Variants in NFATC4 observed in about 807,000 individuals in gnomAD.
NFATC4 encodes nuclear factor of activated T cells 4.
A neutral mutation model predicts 73.4 loss-of-function variants in NFATC4; 25 were observed. The ratio of observed to expected loss-of-function variants is 0.34; its 90% CI spans 0.25 to 0.48. The LOEUF (loss-of-function observed/expected upper bound fraction) is 0.48, where lower values mean the gene tolerates loss of function less well. Ranked by LOEUF, NFATC4 falls within the 20% of genes least tolerant of loss-of-function variation. The pLI, the probability that NFATC4 is intolerant of heterozygous loss-of-function variation, is 0.99. For missense variants in NFATC4, 1,130 were observed against 1,203.7 expected, an observed-to-expected ratio of 0.94 and a Z score of 0.91; for synonymous variants, 523 against 510.3, an observed-to-expected ratio of 1.02 and a Z score of -0.34.
At chr14:24,375,937 G>A (rs2042600946) in intron 7 of NFATC4, 38 bp from the exon 8 acceptor site, 1 of 1,613,068 alleles carries the variant, frequency 6.2e-7, no homozygotes, top group South Asian at 1.1e-5. Flanking sequence ...AAGCCCAGAT[G>A]CCCGAGGGCT....
rs1342422040 is a variant in NFATC4 at position 24,369,879 on chromosome 14, C to T, written c.481C>T (p.Gln161Ter). 2 of 1,610,956 alleles carry T rather than the reference C, an allele frequency of 1.2e-6. No homozygotes were observed. The highest frequency in any genetic ancestry group is 1.3e-5 in the African/African-American group (1 of 75,028). ...GFGGYREAGG[Q>*]GGGAFFSPSP... is the part of the protein sequence containing the mutation. Reference sequence around the variant, plus strand: ...TGGGGGCTACAGAGAAGCAGGGGGCCAGGGTGGGGGGGCCTTCTTCAGCCC... The same window carrying T: ...TGGGGGCTACAGAGAAGCAGGGGGCTAGGGTGGGGGGGCCTTCTTCAGCCC... The change falls in exon 2 of 10, where the codon CAG becomes TAG. Residue 161 changes from glutamine (Q) to a stop codon, truncating the protein, a stop_gained. Coordinates refer to ENST00000250373, the MANE Select transcript of NFATC4 (RefSeq NM_004554.5). LOFTEE classifies it high-confidence loss of function.
Position 24,369,638 on chromosome 14 carries a change from C to T in NFATC4, c.240C>T (p.Pro80=). The T allele has an allele frequency of 6.2e-7, 1 of 1,613,218 alleles. No homozygotes were observed. Among genetic ancestry groups the T allele is most frequent in the Non-Finnish European group, 8.5e-7 (1 of 1,179,830 alleles). ...ATTCGCCACCGCCGCGACCAGCCCC[C>T]TCACCTGGCACCTGGGAGAGCCAGC... The part of the protein sequence containing the change: ...GMHSPPPRPA[P]SPGTWESQPA... Residue 80 remains proline, a synonymous_variant, in exon 2 of 10, where the codon CCC becomes CCT. Transcript: ENST00000250373.
Position 24,372,512 on chromosome 14 carries a change from T to A in NFATC4, c.1268T>A (p.Val423Glu). The A allele has an allele frequency of 6.2e-7, 1 of 1,613,896 alleles. No individual in the cohort carries two copies. The highest frequency in any genetic ancestry group is 8.5e-7 in the Non-Finnish European group (1 of 1,180,008). ...GAGCAGCTGGAGCTGAGGATCGAGG[T>A]ACAGCCTAGAGCCCACCACCGGGCC... ...QYEQLELRIE[V>E]QPRAHHRAHY... Residue 423 changes from valine to glutamate, a missense_variant, in exon 3 of 10, where the codon GTA becomes GAA. Physicochemically the swap from Val to Glu is moderately radical, Grantham distance 121. Around this residue, in one of 3 missense-constraint regions of NFATC4, gnomAD observed 585 missense variants for 574.3 expected, o/e 1.02. Coordinates refer to ENST00000250373, the MANE Select transcript of NFATC4 (RefSeq NM_004554.5).
chr14:24,376,753 G>C lies in NFATC4; in HGVS notation c.2516G>C (p.Gly839Ala). ...GATGTGCATCCCCTACCTGCTGAGG[G>C]ATACAATAAGGTAGGGCCAGGCTAT... The part of the protein sequence containing the change: ...QSDVHPLPAE[G>A]YNKVGPGYGP... Residue 839 changes from glycine to alanine, a missense_variant, in exon 9 of 10, where the codon GGA becomes GCA. This residue lies in a region of NFATC4 where 390 missense variants were observed against 408.1 expected (regional missense o/e 0.96). Transcript: ENST00000250373. The surrounding 1 kb of genome is among the most constrained non-coding windows in gnomAD (Gnocchi z 5.0). The C allele has an allele frequency of 5.0e-6, 8 of 1,613,950 alleles. No homozygotes were observed. Among genetic ancestry groups the C allele is most frequent in the East Asian group, 2.2e-5 (1 of 44,866 alleles).
Position 24,377,805 on chromosome 14 carries a change from C to T in NFATC4, c.*100C>T. The T allele has an allele frequency of 6.3e-7, 1 of 1,590,444 alleles. No individual in the cohort carries two copies. Among genetic ancestry groups the T allele is most frequent in the South Asian group, 1.1e-5 (1 of 89,390 alleles). ...GGTGGCTACAGAAGCTTGGGGCCAACCCTGGCTCCTCTTTCCCCAGCTTCT... is the reference window on the plus strand; with the variant it reads ...GGTGGCTACAGAAGCTTGGGGCCAATCCTGGCTCCTCTTTCCCCAGCTTCT... On this transcript the variant is annotated 3_prime_UTR_variant, in exon 10 of 10. Coordinates refer to ENST00000250373, the MANE Select transcript of NFATC4 (RefSeq NM_004554.5). This position sits in a 1 kb window ranked among gnomAD's most constrained non-coding sequence, Gnocchi z 4.2.
chr14:24,374,196 A>T, intron 5 of NFATC4, 130 bp from the exon 6 acceptor site: 1 of 1,177,974 alleles, frequency 8.5e-7, no homozygotes, highest in Non-Finnish European at 1.2e-6. Context: ...TTACTGGTTT[A>T]TTTGTGTGTC....
In NFATC4 at chr14:24,377,024, G is replaced by C. The variant is rs917029697; in HGVS notation, c.2641+146G>C. Reference sequence around the variant, plus strand: ...GGAGGTTCCCAGGAGGCATGTTCTTGATGCCTGTGGCTGCCTGAATCCAAT... The same window carrying C: ...GGAGGTTCCCAGGAGGCATGTTCTTCATGCCTGTGGCTGCCTGAATCCAAT... On this transcript the variant is annotated intron_variant, in intron 9 of 9. Coordinates refer to ENST00000250373, the MANE Select transcript of NFATC4 (RefSeq NM_004554.5). The surrounding 1 kb of genome is among the most constrained non-coding windows in gnomAD (Gnocchi z 4.2). The C allele has an allele frequency of 2.2e-6, 3 of 1,390,784 alleles. No individual in the cohort carries two copies. In the African/African-American group the frequency reaches 4.4e-5, roughly 20 times the overall value. 86.2% of individuals were successfully genotyped at this position (1,390,784 alleles called of 1,614,324 possible).
chr14:24,368,230 AG>A lies in NFATC4; in HGVS notation c.-106del. ...TGGAGGGAGGCGGCAGCGACGGAGG[AG>A]GGGGCTTCTCAGAGAAAGGGAGGGA... is the stretch of plus-strand genomic sequence containing the variant. On this transcript the variant is annotated 5_prime_UTR_variant, in exon 1 of 10. Coordinates refer to ENST00000250373, the MANE Select transcript of NFATC4 (RefSeq NM_004554.5). 7.6e-7 allele frequency: 1 copy of A among 1,307,258 alleles called. No individual in the cohort carries two copies. Among genetic ancestry groups the A allele is most frequent in the Non-Finnish European group, 9.7e-7 (1 of 1,026,052 alleles). The allele number at this position is 1,307,258 out of a possible 1,614,324, so 81.0% of individuals were successfully genotyped here. A position where few individuals can be genotyped will look rare whatever the true frequency, so the allele number is the denominator to read the frequency against.
Position 24,377,604 on chromosome 14 carries a change from C to G in NFATC4, c.2642-34C>G. The stretch of plus-strand genomic sequence containing the variant: ...CTTTGGAAAAGGAGGGGACCCACCT[C>G]TAGCCCAGTCTCTCAACTGCCCCTC... On this transcript the variant is annotated intron_variant, in intron 9 of 9. Transcript: ENST00000250373. This position sits in a 1 kb window ranked among gnomAD's most constrained non-coding sequence, Gnocchi z 4.2. 1 of 1,614,102 alleles carries G rather than the reference C, an allele frequency of 6.2e-7. No homozygotes were observed. The highest frequency in any genetic ancestry group is 8.5e-7 in the Non-Finnish European group (1 of 1,179,998).
chr14:24,367,870 C>T, upstream of NFATC4: 1 of 1,350,640 alleles, frequency 7.4e-7, no homozygotes, highest in Non-Finnish European at 9.6e-7. Flanking sequence ...GGCTCTCGGA[C>T]CCAGAACCTT....
At position 24,368,240 on chromosome 14, in the gene NFATC4, T is replaced by C; in HGVS notation, c.-101T>C. The C allele has an allele frequency of 1.5e-6, 2 of 1,326,384 alleles. No individual in the cohort carries two copies. Among genetic ancestry groups the C allele is most frequent in the Admixed American group, 4.1e-5 (1 of 24,180 alleles). The allele number at this position is 1,326,384 out of a possible 1,614,324, so 82.2% of individuals were successfully genotyped here. A position where few individuals can be genotyped will look rare whatever the true frequency, so the allele number is the denominator to read the frequency against. ...CGGCAGCGACGGAGGAGGGGGCTTC[T>C]CAGAGAAAGGGAGGGAGGGAGCCAC... On this transcript the variant is annotated 5_prime_UTR_variant, in exon 1 of 10. Transcript: ENST00000250373.
At chr14:24,372,780 C>T (rs545386509) in intron 3 of NFATC4, 177 bp downstream of exon 3, 3 of 728,420 alleles carry the variant, frequency 4.1e-6, no homozygotes, top group Non-Finnish European at 6.8e-6. Context: ...ATACTTTCTA[C>T]TCCTGTCCTT....
upstream of NFATC4, chr14:24,367,331 G>C: frequency 6.5e-7 from 1 of 1,539,172 alleles, no homozygotes; most frequent in South Asian, 1.2e-5. Context: ...TTTTAGAAGA[G>C]CCGGAGTGGG....
intron 2 of NFATC4, among the ~76,000 whole-genome samples, chr14:24,371,558 TCCCATCTGAAA>T (rs534135837): frequency 1.3e-5 from 2 of 152,142 alleles, no homozygotes; most frequent in Non-Finnish European, 2.9e-5. Context: ...GGATAAGTTG[TCCCATCTGAAA>T]CCCTTAGCTC....
rs2042593864 is a variant in NFATC4 at position 24,375,686 on chromosome 14, G to A, written c.1900G>A (p.Ala634Thr). ...TGGGAAGCTGCAATGGGAGGAGGAG[G>A]CCACAGTGAACCGACTGCAGAGCAA... ...PDGKLQWEEEATVNRLQSNEV... is the reference protein window; with the variant it reads ...PDGKLQWEEETTVNRLQSNEV... Residue 634 changes from alanine (A) to threonine (T), a missense_variant, in exon 7 of 10, where the codon GCC (alanine) becomes ACC (threonine). Transcript: ENST00000250373. 1 of 1,519,194 alleles carries A rather than the reference G, an allele frequency of 6.6e-7. No homozygotes were observed. Among genetic ancestry groups the A allele is most frequent in the Non-Finnish European group, 8.9e-7 (1 of 1,128,326 alleles). 94.1% of individuals were successfully genotyped at this position (1,519,194 alleles called of 1,614,324 possible).
In NFATC4 at chr14:24,369,037, C is replaced by T. The variant is rs2042387987; in HGVS notation, c.101-462C>T. On this transcript the variant is annotated intron_variant, in intron 1 of 9. Coordinates refer to ENST00000250373, the MANE Select transcript of NFATC4 (RefSeq NM_004554.5). ...ATGGCGAGGAGAGAGGGAGGAGCCA[C>T]CTCCCCTCGTCACCACAGCCCTGAC... The T allele has an allele frequency of 3.0e-6, 4 of 1,341,148 alleles. No individual in the cohort carries two copies. The South Asian group carries it at 5.0e-5, about 17-fold the overall frequency. 83.1% of individuals were successfully genotyped at this position (1,341,148 alleles called of 1,614,324 possible). A position where few individuals can be genotyped will look rare whatever the true frequency, so the allele number is the denominator to read the frequency against.
At position 24,376,022 on chromosome 14, in the gene NFATC4, C is replaced by T. The variant is rs185918898; in HGVS notation, c.1977C>T (p.Ser659=). The part of the protein sequence containing the change: ...TVPEYSNKRV[S]RPVQVYFYVS... ...CCGAGTACAGCAACAAGAGGGTTTC[C>T]CGGCCAGTCCAGGTCTACTTTTATG... is the stretch of plus-strand genomic sequence containing the variant. Residue 659 remains serine, a synonymous_variant, in exon 8 of 10, where the codon TCC becomes TCT. Coordinates refer to ENST00000250373, the MANE Select transcript of NFATC4 (RefSeq NM_004554.5). This position sits in a 1 kb window ranked among gnomAD's most constrained non-coding sequence, Gnocchi z 5.0. The T allele has an allele frequency of 1.2e-6, 2 of 1,614,072 alleles. No individual in the cohort carries two copies. Among genetic ancestry groups the T allele is most frequent in the Admixed American group, 1.7e-5 (1 of 60,016 alleles).
In NFATC4 at chr14:24,372,772, A is replaced by G. The variant is rs10144256; in HGVS notation, c.1359+169A>G. The stretch of plus-strand genomic sequence containing the variant: ...AGGAGGGGTGCAAGGACCCGGATAT[A>G]CTTTCTACTCCTGTCCTTCCACCCC... On this transcript the variant is annotated intron_variant, in intron 3 of 9. Transcript: ENST00000250373. 511 of 763,062 alleles carry G rather than the reference A, an allele frequency of 6.7e-4. 2 individuals are homozygous for G. The African/African-American group carries it at 8.3e-3, about 12-fold the overall frequency. The allele number at this position is 763,062 out of a possible 1,614,324, so 47.3% of individuals were successfully genotyped here. A position where few individuals can be genotyped will look rare whatever the true frequency, so the allele number is the denominator to read the frequency against.
chr14:24,369,764 TCCCACGCCGGAGCCG>T lies in NFATC4; in HGVS notation c.369_383del (p.Thr124_Pro128del). The T allele has an allele frequency of 6.3e-7, 1 of 1,599,276 alleles. No homozygotes were observed. Among genetic ancestry groups the T allele is most frequent in the South Asian group, 1.1e-5 (1 of 89,874 alleles). On this transcript the variant is annotated inframe_deletion, in exon 2 of 10. Transcript: ENST00000250373. ...CCAGCATCCGCATCACCTCCATCTC[TCCCACGCCGGAGCCG>T]CCAGCAGCGCTGGAGGACAACCCTG...
Sources: gnomAD v4.1 joint callset for allele counts (sites outside exome capture counted in the v4.1 genomes callset) on GRCh38, gnomAD v4.1.1 for gene constraint, gnomAD v4.1.1 regional missense constraint, Gnocchi (gnomAD v3.1) non-coding constraint, MANE v1.5 for transcripts, NCBI Gene and HGNC (gene_info 2026-07-23, HGNC 2026-07-21) for gene names.